The following TRO variants were observed in gnomAD, a reference collection of about 807,000 sequenced individuals.
TRO encodes the protein MAGE superfamily protein.
Under a neutral mutation model 42.3 loss-of-function variants are expected in TRO, and 29 were observed. The ratio of observed to expected loss-of-function variants is 0.68; its 90% CI spans 0.51 to 0.93. TRO has a LOEUF of 0.93. Ranked by LOEUF, TRO falls within the 40% of genes least tolerant of loss-of-function variation. TRO has a pLI of 0.00. For missense variants in TRO, 963 were observed against 1,127.7 expected (o/e 0.85, Z 2.09); for synonymous variants, 384 against 425.2 (o/e 0.90, Z 1.19).
intron 6 of TRO, among the ~76,000 whole-genome samples, 164 bp from the exon 7 acceptor site, chrX:54,925,428 T>A (rs760526468): frequency 2.7e-5 from 3 of 112,249 alleles, no homozygotes; most frequent in Non-Finnish European, 5.6e-5. Flanking sequence ...GCTGTGTGTT[T>A]ACTGGGTGCC....
intron 4 of TRO, 32 bp downstream of exon 4, chrX:54,924,587 T>G: frequency 1.7e-6 from 2 of 1,200,280 alleles, no homozygotes; most frequent in Non-Finnish European, 2.3e-6. Context: ...GTCTCTTCTC[T>G]TCTTCACTTG....
In TRO at chrX:54,926,404, C is replaced by T; in HGVS notation, c.1578-6C>T. 1 of 1,208,576 alleles carries T rather than the reference C, an allele frequency of 8.3e-7. No homozygotes were observed. The highest frequency in any genetic ancestry group is 1.1e-6 in the Non-Finnish European group (1 of 892,787). The stretch of plus-strand genomic sequence containing the variant: ...AAACCTTCTTTCTGTCCTGTTATTC[C>T]CTTAGGACCAAGGACACACCCAAGC... On this transcript the variant is annotated splice_region_variant and splice_polypyrimidine_tract_variant and intron_variant, in intron 7 of 12. Coordinates refer to ENST00000173898, the MANE Select transcript of TRO (RefSeq NM_001039705.3).
At position 54,925,068 on chromosome X, in the gene TRO, G is replaced by T; in HGVS notation, c.1485G>T (p.Lys495Asn). 24 of 1,210,084 alleles carry T rather than the reference G, an allele frequency of 2.0e-5. No homozygotes were observed. Among genetic ancestry groups the T allele is most frequent in the Non-Finnish European group, 2.7e-5 (24 of 894,268 alleles). ...AACGAGCAAGCTACACTCTGGAGAAGGTGAAGGGGCAGTGCTGGCGGATGG... is the reference window on the plus strand; with the variant it reads ...AACGAGCAAGCTACACTCTGGAGAATGTGAAGGGGCAGTGCTGGCGGATGG... ...IIERASYTLEKMFRVNLKEID... is the reference protein window; with the variant it reads ...IIERASYTLENMFRVNLKEID... Residue 495 changes from lysine to asparagine, a missense_variant and splice_region_variant, in exon 6 of 13, where the codon AAG (lysine) becomes AAT (asparagine). This residue lies in a region of TRO where 641 missense variants were observed against 811.3 expected (regional missense o/e 0.79). Coordinates refer to ENST00000173898, the MANE Select transcript of TRO (RefSeq NM_001039705.3).
At position 54,927,093 on chromosome X, in the gene TRO, T is replaced by C. The variant is rs1932791449; in HGVS notation, c.1751T>C (p.Phe584Ser). The change falls in exon 10 of 13, where the codon TTT becomes TCT. Residue 584 changes from phenylalanine (F) to serine (S), a missense_variant. By Grantham distance (155) the Phe-to-Ser change is radical. This residue lies in a region of TRO where 641 missense variants were observed against 811.3 expected (regional missense o/e 0.79). Transcript: ENST00000173898. ...GTGAGGAAGCTCATCACAGACGAGT[T>C]TGTGAAGCAGAAGTAAGTGGTGTTT... ...GEVRKLITDEFVKQKYLEYKR... is the reference protein window; with the variant it reads ...GEVRKLITDESVKQKYLEYKR... 8.3e-7 allele frequency: 1 copy of C among 1,209,723 alleles called. No individual in the cohort carries two copies. The highest frequency in any genetic ancestry group is 1.8e-5 in the African/African-American group (1 of 57,030).
Position 54,923,510 on chromosome X carries a change from C to T in TRO, c.978C>T (p.Val326=). The change falls in exon 3 of 13, where the codon GTC becomes GTT. Residue 326 remains valine, a synonymous_variant. Coordinates refer to ENST00000173898, the MANE Select transcript of TRO (RefSeq NM_001039705.3). The stretch of plus-strand genomic sequence containing the variant: ...AGGCCCCACTTGCCACTCAGATAGT[C>T]ACAAACCAAGCCCTGGCAGCCACCC... The part of the protein sequence containing the change: ...ISEAPLATQI[V]TNQALAATLR... 8.4e-7 allele frequency: 1 copy of T among 1,186,886 alleles called. No individual in the cohort carries two copies.
In TRO at chrX:54,922,282, T is replaced by C. The variant is rs1569545984; in HGVS notation, c.36T>C (p.Pro12=). ...GAAATGACTACGGATATAGGGTGCC[T>C]CTATTTCAGGTGAGGCCTCTCTGCA... ...DRRNDYGYRV[P]LFQGPLPPPG... The change falls in exon 2 of 13, where the codon CCT becomes CCC. Residue 12 remains proline, a synonymous_variant. Coordinates refer to ENST00000173898, the MANE Select transcript of TRO (RefSeq NM_001039705.3). 8.3e-7 allele frequency: 1 copy of C among 1,208,698 alleles called. No individual in the cohort carries two copies. The highest frequency in any genetic ancestry group is 1.1e-6 in the Non-Finnish European group (1 of 894,227).
rs369964798 is a variant in TRO at position 54,929,105 on chromosome X, G to A, written c.2381G>A (p.Ser794Asn). 2.2e-5 allele frequency: 27 copies of A among 1,211,518 alleles called. No homozygotes were observed. The African/African-American group carries it at 3.3e-4, about 15-fold the overall frequency. The change falls in exon 12 of 13, where the codon AGC (serine) becomes AAC (asparagine). Residue 794 changes from serine to asparagine, a missense_variant. By Grantham distance (46) the Ser-to-Asn change is conservative. This residue lies in a region of TRO where 641 missense variants were observed against 811.3 expected (regional missense o/e 0.79). Transcript: ENST00000173898. ...SSSFSSAASISFGCAHSTSTS... is the reference protein window; with the variant it reads ...SSSFSSAASINFGCAHSTSTS... ...AGCTTCAGCAGCGCAGCCAGCATTAGCTTTGGTTGTGCACACAGCACCAGC... is the reference window on the plus strand; with the variant it reads ...AGCTTCAGCAGCGCAGCCAGCATTAACTTTGGTTGTGCACACAGCACCAGC...
rs1424437384 is a variant in TRO, at chrX:54,923,529, G to C, written c.997G>C (p.Ala333Pro). 2.2e-5 allele frequency: 26 copies of C among 1,186,281 alleles called. No homozygotes were observed. Among genetic ancestry groups the C allele is most frequent in the Non-Finnish European group, 2.9e-5 (26 of 882,120 alleles). Residue 333 changes from alanine to proline, a missense_variant, in exon 3 of 13, where the codon GCC becomes CCC. By Grantham distance (27) the Ala-to-Pro change is conservative. This residue lies in a region of TRO where 322 missense variants were observed against 316.5 expected (regional missense o/e 1.02). Coordinates refer to ENST00000173898, the MANE Select transcript of TRO (RefSeq NM_001039705.3). ...GATAGTCACAAACCAAGCCCTGGCAGCCACCCTGCGGGTCAAGAGAGGGTC... is the reference window on the plus strand; with the variant it reads ...GATAGTCACAAACCAAGCCCTGGCACCCACCCTGCGGGTCAAGAGAGGGTC... ...TQIVTNQALA[A>P]TLRVKRGSRA...
rs1436455798 is a variant in TRO, at chrX:54,926,481, C to T, written c.1649C>T (p.Ala550Val). Reference sequence around the variant, plus strand: ...GTCATTTTTATGAATGGCAACAAGGCCAGTGAGGGTGAGTGGCTGGGCATG... The same window carrying T: ...GTCATTTTTATGAATGGCAACAAGGTCAGTGAGGGTGAGTGGCTGGGCATG... Reference protein sequence around the residue: ...LSVIFMNGNKASEAVIWEVLR... With the variant: ...LSVIFMNGNKVSEAVIWEVLR... The change falls in exon 8 of 13, where the codon GCC (alanine) becomes GTC (valine). Residue 550 changes from alanine to valine, a missense_variant. By Grantham distance (64) the Ala-to-Val change is moderately conservative (BLOSUM62 0). Around this residue, in one of 2 missense-constraint regions of TRO, gnomAD observed 641 missense variants for 811.3 expected, o/e 0.79. Coordinates refer to ENST00000173898, the MANE Select transcript of TRO (RefSeq NM_001039705.3). 3 of 1,212,012 alleles carry T rather than the reference C, an allele frequency of 2.5e-6. No individual in the cohort carries two copies. Among genetic ancestry groups the T allele is most frequent in the Non-Finnish European group, 3.3e-6 (3 of 895,541 alleles).
chrX:54,928,277 A>G (rs1198558444), intron 11 of TRO, among the ~76,000 whole-genome samples: 6 of 112,151 alleles, frequency 5.3e-5, no homozygotes, highest in Non-Finnish European at 1.1e-4. Context: ...TAAAGGCCCT[A>G]TCTCCAAGTA....
chrX:54,922,998 C>A lies in TRO; in HGVS notation c.466C>A (p.Pro156Thr), dbSNP rs745836728. The A allele has an allele frequency of 1.7e-6, 2 of 1,210,426 alleles. No homozygotes were observed. Among genetic ancestry groups the A allele is most frequent in the Non-Finnish European group, 2.2e-6 (2 of 895,385 alleles). Reference sequence around the variant, plus strand: ...CAAGGCAGCCCAAGGCTCCCAATCCCCAACTGGCCATGAGGGTGGCACTAT... The same window carrying A: ...CAAGGCAGCCCAAGGCTCCCAATCCACAACTGGCCATGAGGGTGGCACTAT... ...TAKAAQGSQS[P>T]TGHEGGTIQL... Residue 156 changes from proline to threonine, a missense_variant, in exon 3 of 13, where the codon CCA becomes ACA. Pro to Thr is a conservative substitution (Grantham distance 38, BLOSUM62 -1). Around this residue, in one of 2 missense-constraint regions of TRO, gnomAD observed 322 missense variants for 316.5 expected, o/e 1.02. Coordinates refer to ENST00000173898, the MANE Select transcript of TRO (RefSeq NM_001039705.3).
rs745748652 is a variant in TRO, at chrX:54,922,949, C to T, written c.417C>T (p.Ala139=). The change falls in exon 3 of 13, where the codon GCC becomes GCT. Residue 139 remains alanine, a synonymous_variant. Transcript: ENST00000173898. The part of the protein sequence containing the change: ...ASSVTAQPKK[A]NKMKRVTAKA... The stretch of plus-strand genomic sequence containing the variant: ...CAGTCACTGCTCAGCCTAAGAAAGC[C>T]AACAAGATGAAGAGAGTTACTGCCA... The T allele has an allele frequency of 5.8e-6, 7 of 1,210,341 alleles. No homozygotes were observed. In the South Asian group the frequency reaches 8.8e-5, roughly 15 times the overall value.
rs372980177 is a variant in TRO at position 54,929,116 on chromosome X, G to C, written c.2392G>C (p.Ala798Pro). ...CGCAGCCAGCATTAGCTTTGGTTGT[G>C]CACACAGCACCAGCACTAGTTTCAG... ...SSAASISFGC[A>P]HSTSTSFSSE... Residue 798 changes from alanine to proline, a missense_variant, in exon 12 of 13, where the codon GCA (alanine) becomes CCA (proline). Ala to Pro is a conservative substitution (Grantham distance 27). Transcript: ENST00000173898. 8.3e-7 allele frequency: 1 copy of C among 1,211,427 alleles called. No individual in the cohort carries two copies. Among genetic ancestry groups the C allele is most frequent in the African/African-American group, 1.7e-5 (1 of 57,607 alleles).
chrX:54,923,340 A>G lies in TRO; in HGVS notation c.808A>G (p.Thr270Ala). The G allele has an allele frequency of 8.3e-7, 1 of 1,209,676 alleles. No homozygotes were observed. The highest frequency in any genetic ancestry group is 1.1e-6 in the Non-Finnish European group (1 of 894,428). ...GAAGACAATTGCTAAGGTCATAAAT[A>G]CTGACACTGAGCATATAGAGGCTCT... The part of the protein sequence containing the change: ...ARKTIAKVIN[T>A]DTEHIEALNV... The change falls in exon 3 of 13, where the codon ACT (threonine) becomes GCT (alanine). Residue 270 changes from threonine to alanine, a missense_variant. Thr to Ala is a moderately conservative substitution (Grantham distance 58). This residue lies in a region of TRO where 322 missense variants were observed against 316.5 expected (regional missense o/e 1.02). Transcript: ENST00000173898.
In TRO at chrX:54,923,174, G is replaced by A; in HGVS notation, c.642G>A (p.Lys214=). The A allele has an allele frequency of 8.3e-7, 1 of 1,211,366 alleles. No individual in the cohort carries two copies. Among genetic ancestry groups the A allele is most frequent in the Non-Finnish European group, 1.1e-6 (1 of 895,448 alleles). Residue 214 remains lysine, a synonymous_variant, in exon 3 of 13, where the codon AAG becomes AAA. Coordinates refer to ENST00000173898, the MANE Select transcript of TRO (RefSeq NM_001039705.3). ...CCAAGGCTAAGAAGGCTGCAAATAA[G>A]GCCATAGCTAGTGCCACCGAGGTCT... The part of the protein sequence containing the change: ...KASKAKKAAN[K]AIASATEVSL...
intron 3 of TRO, chrX:54,924,051 C>T: frequency 2.7e-6 from 1 of 372,373 alleles, no homozygotes; most frequent in Non-Finnish European, 4.6e-6. Context: ...GGTACAGTTA[C>T]ACAGGGTATG....
intron 10 of TRO, 133 bp downstream of exon 10, chrX:54,927,238 C>T: frequency 5.3e-6 from 4 of 761,379 alleles, no homozygotes; most frequent in Non-Finnish European, 7.8e-6. Context: ...AGAACTGATA[C>T]TGTCTAAAAT....
chrX:54,921,695 T>G (rs1203406115), intron 1 of TRO, among the ~76,000 whole-genome samples: 18 of 41,198 alleles, frequency 4.4e-4, no homozygotes, highest in East Asian at 8.9e-4. Flanking sequence ...AGATGGGCGG[T>G]GTTGGGGTAG....
chrX:54,924,282 T>G (rs1462248511), intron 3 of TRO, 169 bp from the exon 4 acceptor site: 1 of 432,117 alleles, frequency 2.3e-6, no homozygotes, highest in African/African-American at 2.5e-5. Context: ...CAGTGAAAGA[T>G]AAGCTCAGGA....
Sources: gnomAD v4.1 joint callset for allele counts (sites outside exome capture counted in the v4.1 genomes callset) on GRCh38, gnomAD v4.1.1 for gene constraint, gnomAD v4.1.1 regional missense constraint, MANE v1.5 for transcripts, NCBI Gene and HGNC (gene_info 2026-07-23, HGNC 2026-07-21) for gene names.